MEGF6: variants seen among roughly 807,000 people sequenced by gnomAD.
MEGF6 encodes the protein multiple epidermal growth factor-like domains protein 6.
Under a neutral mutation model 207.1 loss-of-function variants are expected in MEGF6, and 184 were observed. The observed-to-expected ratio is 0.89, with a 90% CI of 0.79 to 1.00. The LOEUF (loss-of-function observed/expected upper bound fraction) is 1.00, where lower values mean the gene tolerates loss of function less well. Ranked by LOEUF, MEGF6 falls within the 50% of genes least tolerant of loss-of-function variation. The probability of loss-of-function intolerance (pLI) is 0.00; values close to 1 mark genes in which losing one functional copy is unlikely to be tolerated. For missense variants in MEGF6, 2,282 were observed against 2,202.9 expected (o/e 1.04, Z -0.72); for synonymous variants, 1,038 against 910.0 (o/e 1.14, Z -2.53).
At chr1:3,613,847 G>A (rs1293982151), upstream of MEGF6, among the ~76,000 whole-genome samples, 1 of 151,990 alleles carries the variant, frequency 6.6e-6, no homozygotes, top group Non-Finnish European at 1.5e-5. Context: ...AGGCACTGCC[G>A]CTGTGCTCTC....
At chr1:3,497,503 T>A in intron 26 of MEGF6, 142 bp from the exon 27 acceptor site, 1 of 1,141,538 alleles carries the variant, frequency 8.8e-7, no homozygotes, top group Non-Finnish European at 1.2e-6. Flanking sequence ...TTCTCACACC[T>A]GGAGCCCCCC....
chr1:3,529,610 C>T (rs1038142978), intron 4 of MEGF6, among the ~76,000 whole-genome samples: 6 of 152,232 alleles, frequency 3.9e-5, no homozygotes, highest in Non-Finnish European at 8.8e-5. Flanking sequence ...TGGCACACAG[C>T]GACACGGCTG....
chr1:3,501,402 G>C, intron 18 of MEGF6, 94 bp from the exon 19 acceptor site: 1 of 1,467,650 alleles, frequency 6.8e-7, no homozygotes. Flanking sequence ...CCACGGCCGA[G>C]GAGGTGGAAC....
intron 5 of MEGF6, among the ~76,000 whole-genome samples, chr1:3,521,653 G>T (rs1030115023): frequency 6.6e-6 from 1 of 152,146 alleles, no homozygotes; most frequent in Non-Finnish European, 1.5e-5. Context: ...AGCTTTTCAG[G>T]CCCCCACAGA....
At chr1:3,622,469 T>C in the MEGF6 span, among the ~76,000 whole-genome samples, 137 of 152,322 alleles carry the variant, frequency 9.0e-4, 1 homozygote, top group African/African-American at 3.2e-3. Flanking sequence ...AGGTAAGTTC[T>C]TCATATTAAT....
intron 29 of MEGF6, 89 bp from the exon 30 acceptor site, chr1:3,496,107 G>A (rs925279411): frequency 4.9e-6 from 7 of 1,424,000 alleles, no homozygotes; most frequent in African/African-American, 2.9e-5. Flanking sequence ...GGATGGGATG[G>A]GGTGAGGGGA....
chr1:3,576,434 A>C lies in MEGF6; in HGVS notation c.481+3391T>G, dbSNP rs551954555. On this transcript the variant is annotated intron_variant, in intron 4 of 36. Transcript: ENST00000356575. ...CCCAACTCCTTTGTTCAAATGAAAT[A>C]ATTTGGGGGAACCAGAAAATATGGC... Among the ~76,000 whole-genome samples, 10 of 152,302 alleles carry C rather than the reference A, an allele frequency of 6.6e-5. No individual in the cohort carries two copies. The South Asian group carries it at 2.1e-3, about 32-fold the overall frequency.
intron 4 of MEGF6, among the ~76,000 whole-genome samples, chr1:3,561,221 G>A (rs1157656705): frequency 6.6e-6 from 1 of 152,222 alleles, no homozygotes; most frequent in Non-Finnish European, 1.5e-5. Context: ...ATGGGCAAGG[G>A]AGGGCCCCTC....
intron 3 of MEGF6, among the ~76,000 whole-genome samples, chr1:3,585,416 CAT>C (rs1319925878): frequency 1.4e-5 from 2 of 140,656 alleles, no homozygotes; most frequent in East Asian, 2.2e-4. Flanking sequence ...GTGAGTGACA[CAT>C]GTCCTGTGTG....
intron 4 of MEGF6, among the ~76,000 whole-genome samples, chr1:3,566,892 T>C (rs1643357145): frequency 6.6e-6 from 1 of 152,196 alleles, no homozygotes; most frequent in African/African-American, 2.4e-5. Flanking sequence ...AACTGGGTGC[T>C]AGACTGAGTG....
chr1:3,603,044 G>C (rs560226176), intron 1 of MEGF6, among the ~76,000 whole-genome samples: 50 of 152,268 alleles, frequency 3.3e-4, no homozygotes, highest in African/African-American at 1.1e-3. Context: ...GCACATGGCT[G>C]GGGTGAACCC....
chr1:3,611,502 G>C lies in MEGF6; in HGVS notation c.-234C>G, dbSNP rs978162617. ...GCAGGAACTCGCCCCGGCGCGTTGA[G>C]CACAGTGCCCCGGACTCAGAGCCTG... On this transcript the variant is annotated 5_prime_UTR_variant, in exon 1 of 37. Coordinates refer to ENST00000356575, the MANE Select transcript of MEGF6 (RefSeq NM_001409.4). The C allele has an allele frequency of 4.2e-6, 2 of 480,114 alleles. No individual in the cohort carries two copies. The highest frequency in any genetic ancestry group is 9.5e-5 in the South Asian group (2 of 21,126). 29.7% of individuals were successfully genotyped at this position (480,114 alleles called of 1,614,324 possible). A position where few individuals can be genotyped will look rare whatever the true frequency, so the allele number is the denominator to read the frequency against.
intron 4 of MEGF6, among the ~76,000 whole-genome samples, chr1:3,567,200 G>A (rs1351623833): frequency 6.6e-6 from 1 of 152,228 alleles, no homozygotes; most frequent in Non-Finnish European, 1.5e-5. Flanking sequence ...GCCACACGGC[G>A]AAGACAGAGC....
upstream of MEGF6, among the ~76,000 whole-genome samples, chr1:3,612,614 G>A (rs996027801): frequency 6.6e-6 from 1 of 152,194 alleles, no homozygotes; most frequent in Non-Finnish European, 1.5e-5. Flanking sequence ...CTGCTAGAGA[G>A]GTGCGCTGAC....
In MEGF6 at chr1:3,489,411, C is replaced by T. The variant is rs182639196; in HGVS notation, c.*1117G>A. ...GTGTGAGTGCAGCCCTCTCCATTGG[C>T]CACCCCACTCTGCAGAGGAGCCCCC... is the stretch of plus-strand genomic sequence containing the variant. On this transcript the variant is annotated 3_prime_UTR_variant, in exon 37 of 37. Coordinates refer to ENST00000356575, the MANE Select transcript of MEGF6 (RefSeq NM_001409.4). Among the ~76,000 whole-genome samples the T allele has an allele frequency of 1.1e-3, 170 of 152,336 alleles. No homozygotes were observed. The highest frequency in any genetic ancestry group is 1.7e-3 in the Non-Finnish European group (114 of 68,016).
Position 3,498,745 on chromosome 1 carries a change from C to T in MEGF6, c.3176G>A (p.Gly1059Asp). The change falls in exon 25 of 37, where the codon GGC (glycine) becomes GAC (aspartate). Residue 1059 changes from glycine to aspartate, a missense_variant. Transcript: ENST00000356575. Reference sequence around the variant, plus strand: ...CCAGCCCTCTGGGCACGCACAGTGGCCTGAGACAGGGTCACAGGTCCCTCC... The same window carrying T: ...CCAGCCCTCTGGGCACGCACAGTGGTCTGAGACAGGGTCACAGGTCCCTCC... ...QNGGTCDPVS[G>D]HCACPEGWAG... 1 of 1,564,738 alleles carries T rather than the reference C, an allele frequency of 6.4e-7. No homozygotes were observed. The highest frequency in any genetic ancestry group is 8.6e-7 in the Non-Finnish European group (1 of 1,156,250).
At chr1:3,517,587 G>C (rs1401176398) in intron 5 of MEGF6, among the ~76,000 whole-genome samples, 1 of 152,188 alleles carries the variant, frequency 6.6e-6, no homozygotes, top group African/African-American at 2.4e-5. Flanking sequence ...CCACCCCTGC[G>C]TGGCCAGTGC....
At chr1:3,498,621 G>T in intron 25 of MEGF6, 77 bp downstream of exon 25, 1 of 1,489,646 alleles carries the variant, frequency 6.7e-7, no homozygotes, top group Non-Finnish European at 9.0e-7. Flanking sequence ...CCCTGACCTG[G>T]GAGCCCTCCT....
chr1:3,552,892 G>A (rs966865811), intron 4 of MEGF6, among the ~76,000 whole-genome samples: 10 of 151,674 alleles, frequency 6.6e-5, no homozygotes, highest in Middle Eastern at 3.4e-3. Flanking sequence ...GCTTCATCCC[G>A]AGGCCCCACC....
Sources: allele counts gnomAD v4.1 joint callset (sites outside exome capture counted in the v4.1 genomes callset), GRCh38; gene constraint gnomAD v4.1.1; transcripts MANE v1.5; gene names NCBI Gene and HGNC (gene_info 2026-07-23, HGNC 2026-07-21).